MAP3K13: variants seen among roughly 807,000 people sequenced by gnomAD.
The protein encoded by MAP3K13 is leucine zipper-bearing kinase.
Under a neutral mutation model 104.0 loss-of-function variants are expected in MAP3K13, and 52 were observed. That is an observed-to-expected ratio of 0.50 (90% CI 0.40 to 0.63). MAP3K13 has a LOEUF of 0.63. Ranked by LOEUF, MAP3K13 falls within the 20% of genes least tolerant of loss-of-function variation. MAP3K13 has a pLI of 0.00. For synonymous variants in MAP3K13, 394 were observed against 442.2 expected (o/e 0.89, Z 1.37); for missense variants, 914 against 1,218.5 (o/e 0.75, Z 3.72).
In MAP3K13 at chr3:185,418,430, T is replaced by C; in HGVS notation, c.-85-10067T>C. The C allele has an allele frequency of 8.1e-6, 13 of 1,609,312 alleles. No homozygotes were observed. Among genetic ancestry groups the C allele is most frequent in the East Asian group, 2.2e-5 (1 of 44,876 alleles). On this transcript the variant is annotated intron_variant, in intron 1 of 13. Transcript: ENST00000265026. The surrounding 1 kb of genome is among the most constrained non-coding windows in gnomAD (Gnocchi z 4.5). Reference sequence around the variant, plus strand: ...CAGATGGCATATCGTTTTTGGGTTGTGTTCACTCTACGATGCCAACGGCGC... The same window carrying C: ...CAGATGGCATATCGTTTTTGGGTTGCGTTCACTCTACGATGCCAACGGCGC...
At chr3:185,386,507 G>A (rs538666773) in intron 1 of MAP3K13, among the ~76,000 whole-genome samples, 10 of 152,200 alleles carry the variant, frequency 6.6e-5, no homozygotes, top group African/African-American at 1.9e-4. Context: ...CCTAAAACAC[G>A]TAGAGGTAAA....
intron 2 of MAP3K13, among the ~76,000 whole-genome samples, chr3:185,326,956 A>T (rs1722061583): frequency 6.6e-6 from 1 of 152,216 alleles, no homozygotes; most frequent in South Asian, 2.1e-4. Flanking sequence ...GGAGCTTGAA[A>T]TTAAAGTACC....
intron 3 of MAP3K13, among the ~76,000 whole-genome samples, chr3:185,438,018 C>G (rs996292617): frequency 6.6e-6 from 1 of 152,116 alleles, no homozygotes; most frequent in African/African-American, 2.4e-5. Flanking sequence ...GTTGGCCGGG[C>G]GCAGTGGCTC....
chr3:185,428,407 T>G, intron 1 of MAP3K13, 90 bp from the exon 2 acceptor site: 63 of 746,286 alleles, frequency 8.4e-5, no homozygotes, highest in Middle Eastern at 4.1e-4. Flanking sequence ...CCAATCCCCA[T>G]TGTTTCAGTT....
intron 2 of MAP3K13, among the ~76,000 whole-genome samples, chr3:185,307,960 A>G (rs1721355281): frequency 1.8e-5 from 2 of 110,882 alleles, no homozygotes; most frequent in Non-Finnish European, 3.8e-5. Flanking sequence ...TAAGACAACT[A>G]TTTTGAGTTC....
chr3:185,418,811 G>T lies in MAP3K13; in HGVS notation c.-85-9686G>T. 5 of 1,571,546 alleles carry T rather than the reference G, an allele frequency of 3.2e-6. No homozygotes were observed. On this transcript the variant is annotated intron_variant, in intron 1 of 13. Coordinates refer to ENST00000265026, the MANE Select transcript of MAP3K13 (RefSeq NM_004721.5). The surrounding 1 kb of genome is among the most constrained non-coding windows in gnomAD (Gnocchi z 4.5). ...AGAGGAGACAGCCACGCTCCTCTCA[G>T]CCCGGCTGCTGCCACAGGAAAAGCA...
At chr3:185,348,928 CAAAT>C (rs34907374) in intron 2 of MAP3K13, among the ~76,000 whole-genome samples, 5 of 150,892 alleles carry the variant, frequency 3.3e-5, no homozygotes, top group African/African-American at 4.9e-5. Context: ...AACAAACAAA[CAAAT>C]AAATAAATAA....
At chr3:185,407,455 T>C (rs1343042445) in intron 1 of MAP3K13, among the ~76,000 whole-genome samples, 1 of 152,202 alleles carries the variant, frequency 6.6e-6, no homozygotes, top group African/African-American at 2.4e-5. Flanking sequence ...ACGTTATAAC[T>C]ATAAAGCAGA....
At chr3:185,373,977 G>T (rs1724293229) in intron 1 of MAP3K13, among the ~76,000 whole-genome samples, 2 of 151,980 alleles carry the variant, frequency 1.3e-5, no homozygotes, top group Non-Finnish European at 2.9e-5. Context: ...TAAGAACAAT[G>T]TTTTGGGGGC....
chr3:185,318,617 G>T (rs1473877142), intron 2 of MAP3K13, among the ~76,000 whole-genome samples: 5 of 152,148 alleles, frequency 3.3e-5, no homozygotes, highest in African/African-American at 1.2e-4. Flanking sequence ...TATGTTGGTA[G>T]CTTTCAAATC....
chr3:185,316,803 C>T (rs991588771), intron 2 of MAP3K13, among the ~76,000 whole-genome samples: 2 of 151,968 alleles, frequency 1.3e-5, no homozygotes, highest in African/African-American at 4.8e-5. Flanking sequence ...ATCAAGATTG[C>T]GGTTATATGT....
Position 185,480,257 on chromosome 3 carries a change from C to G in MAP3K13, c.2527C>G (p.Gln843Glu). 6.2e-7 allele frequency: 1 copy of G among 1,614,094 alleles called. No individual in the cohort carries two copies. Among genetic ancestry groups the G allele is most frequent in the Non-Finnish European group, 8.5e-7 (1 of 1,179,992 alleles). The part of the protein sequence containing the change: ...QRPHRCISSC[Q>E]SYSTFSSENF... ...GCCCCATCGCTGTATCAGCAGCTGCCAGTCATATTCAACCTTTAGCTCTGA... is the reference window on the plus strand; with the variant it reads ...GCCCCATCGCTGTATCAGCAGCTGCGAGTCATATTCAACCTTTAGCTCTGA... The change falls in exon 13 of 14, where the codon CAG (glutamine) becomes GAG (glutamate). Residue 843 changes from glutamine to glutamate, a missense_variant. Physicochemically the swap from Gln to Glu is conservative, Grantham distance 29 (BLOSUM62 2). This residue lies in a region of MAP3K13 where 583 missense variants were observed against 737.4 expected (regional missense o/e 0.79). Transcript: ENST00000265026.
intron 1 of MAP3K13, among the ~76,000 whole-genome samples, chr3:185,421,862 A>G (rs925550238): frequency 6.6e-6 from 1 of 152,190 alleles, no homozygotes; most frequent in African/African-American, 2.4e-5. Context: ...TTAGCTTCCT[A>G]CACTCTTCTT....
intron 2 of MAP3K13, among the ~76,000 whole-genome samples, chr3:185,301,555 C>A (rs1721111301): frequency 6.6e-6 from 1 of 152,150 alleles, no homozygotes. Context: ...TTAAGCTTTT[C>A]CCCTGTGTTA....
intron 1 of MAP3K13, among the ~76,000 whole-genome samples, chr3:185,370,973 T>C (rs1342510956): frequency 6.6e-6 from 1 of 152,146 alleles, no homozygotes; most frequent in African/African-American, 2.4e-5. Context: ...AGATGAAGGA[T>C]GAAGACTATA....
At chr3:185,345,457 T>C (rs1296042475) in intron 2 of MAP3K13, among the ~76,000 whole-genome samples, 2 of 152,220 alleles carry the variant, frequency 1.3e-5, no homozygotes, top group Non-Finnish European at 2.9e-5. Flanking sequence ...GCACAGCAGA[T>C]GAGCAGCAGG....
rs770336517 is a variant in MAP3K13 at position 185,395,357 on chromosome 3, C to CTTTTTTTTTTTTT, written c.-86+31996_-86+32008dup. 7.5e-3 allele frequency among the ~76,000 whole-genome samples: 522 copies of CTTTTTTTTTTTTT among 69,954 alleles called. 102 individuals carry two copies. The highest frequency in any genetic ancestry group is 0.041 in the East Asian group (76 of 1,872). 45.9% of individuals were successfully genotyped at this position (69,954 alleles called of 152,430 possible). A position where few individuals can be genotyped will look rare whatever the true frequency, so the allele number is the denominator to read the frequency against. On this transcript the variant is annotated intron_variant, in intron 1 of 13. Coordinates refer to ENST00000265026, the MANE Select transcript of MAP3K13 (RefSeq NM_004721.5). ...AGGCATTTCTAATTCAATATTATTTCTTTTTTTTTTTTTTTTTTTGAGACG... is the reference window on the plus strand; with the variant it reads ...AGGCATTTCTAATTCAATATTATTTCTTTTTTTTTTTTTTTTTTTTTTTTTTTTTTTTGAGACG...
rs182675101 is a variant in MAP3K13, at chr3:185,454,832, C to G, written c.1278+3437C>G. Among the ~76,000 whole-genome samples the G allele has an allele frequency of 6.1e-3, 368 of 60,258 alleles. 8 individuals are homozygous for G. The highest frequency in any genetic ancestry group is 0.023 in the African/African-American group (361 of 15,392). The allele number at this position is 60,258 out of a possible 152,430, so 39.5% of individuals were successfully genotyped here. A position where few individuals can be genotyped will look rare whatever the true frequency, so the allele number is the denominator to read the frequency against. On this transcript the variant is annotated intron_variant, in intron 7 of 13. Transcript: ENST00000265026. ...ACATGATATATATATGAGATATATACATGATATATATATGAGATATATACA... is the reference window on the plus strand; with the variant it reads ...ACATGATATATATATGAGATATATAGATGATATATATATGAGATATATACA...
chr3:185,451,933 T>C (rs562455105), intron 7 of MAP3K13, among the ~76,000 whole-genome samples: 1 of 150,690 alleles, frequency 6.6e-6, no homozygotes, highest in Non-Finnish European at 1.5e-5. Context: ...ATTATCCTTA[T>C]AGTGGCTCCT....
Sources: allele counts gnomAD v4.1 joint callset (sites outside exome capture counted in the v4.1 genomes callset), GRCh38; gene constraint gnomAD v4.1.1; regional missense constraint gnomAD v4.1.1; non-coding constraint Gnocchi (gnomAD v3.1); transcripts MANE v1.5; gene names NCBI Gene and HGNC (gene_info 2026-07-23, HGNC 2026-07-21).